Variants in GRID2 observed in about 807,000 individuals in gnomAD.
The protein encoded by GRID2 is glutamate ionotropic receptor delta type subunit 2.
GRID2 carries 33 observed loss-of-function variants against 114.8 expected under a neutral mutation model. The ratio of observed to expected loss-of-function variants is 0.29; its 90% CI spans 0.22 to 0.38. The LOEUF (loss-of-function observed/expected upper bound fraction) is 0.38, where lower values mean the gene tolerates loss of function less well. GRID2 is among the 10% of genes least tolerant of loss of function. The pLI, the probability that GRID2 is intolerant of heterozygous loss-of-function variation, is 1.00. For synonymous variants in GRID2, 505 were observed against 449.9 expected (o/e 1.12, Z -1.55); for missense variants, 1,184 against 1,257.7 (o/e 0.94, Z 0.89).
intron 3 of GRID2, among the ~76,000 whole-genome samples, chr4:93,108,412 G>A (rs992871516): frequency 6.6e-6 from 1 of 152,070 alleles, no homozygotes; most frequent in African/African-American, 2.4e-5. Flanking sequence ...ACTAGTACTG[G>A]TATTTTATTT....
intron 1 of GRID2, among the ~76,000 whole-genome samples, chr4:92,535,896 A>G (rs535737545): frequency 6.6e-6 from 1 of 152,192 alleles, no homozygotes; most frequent in African/African-American, 2.4e-5. Flanking sequence ...TACAGCTCAT[A>G]AAGGCGGCCG....
At chr4:92,777,423 A>G (rs1029113120) in intron 2 of GRID2, among the ~76,000 whole-genome samples, 1 of 152,074 alleles carries the variant, frequency 6.6e-6, no homozygotes, top group Non-Finnish European at 1.5e-5. Flanking sequence ...AATCCACTTA[A>G]AAATTGTATT....
intron 9 of GRID2, among the ~76,000 whole-genome samples, chr4:93,416,743 T>G (rs150259128): frequency 5.3e-5 from 8 of 150,988 alleles, no homozygotes; most frequent in Non-Finnish European, 1.0e-4. Context: ...TATCATGAGA[T>G]TTTTTAAGTG....
At chr4:93,461,591 T>C (rs2149420754) in intron 11 of GRID2, among the ~76,000 whole-genome samples, 1 of 152,114 alleles carries the variant, frequency 6.6e-6, no homozygotes, top group African/African-American at 2.4e-5. Flanking sequence ...TATATGTGAG[T>C]TGTTTACTAA....
At position 92,384,433 on chromosome 4, in the gene GRID2, AATATATATATATATATATATATATATAT is replaced by A. The variant is rs372161362; in HGVS notation, c.88+79708_88+79735del. Among the ~76,000 whole-genome samples the A allele has an allele frequency of 6.9e-3, 208 of 30,270 alleles. 6 individuals carry two copies. The highest frequency in any genetic ancestry group is 0.026 in the African/African-American group (155 of 6,034). 19.9% of individuals were successfully genotyped at this position (30,270 alleles called of 152,430 possible). The stretch of plus-strand genomic sequence containing the variant: ...AGAAGTGTACCTGTGTGTGTGTAGG[AATATATATATATATATATATATATATAT>A]ATATATATATATATATATTATTTAT... On this transcript the variant is annotated intron_variant, in intron 1 of 15. Coordinates refer to ENST00000282020, the MANE Select transcript of GRID2 (RefSeq NM_001510.4).
chr4:92,391,114 G>A (rs150081701), intron 1 of GRID2, among the ~76,000 whole-genome samples: 2 of 152,252 alleles, frequency 1.3e-5, no homozygotes, highest in East Asian at 3.9e-4. Context: ...CCAAAGGAGC[G>A]CTGAATTCTC....
intron 2 of GRID2, among the ~76,000 whole-genome samples, chr4:92,788,182 G>A (rs571889191): frequency 4.9e-4 from 74 of 151,818 alleles, no homozygotes; most frequent in Admixed American, 9.9e-4. Flanking sequence ...CTAGCATTAA[G>A]TCTGGGGAAA....
chr4:93,166,261 A>G (rs532126730), intron 4 of GRID2: 13 of 152,264 alleles, frequency 8.5e-5, no homozygotes, highest in African/African-American at 2.9e-4. Flanking sequence ...TGCTGTTGAC[A>G]CTTTAAAGCT....
chr4:92,597,643 T>G (rs1729017176), intron 2 of GRID2, among the ~76,000 whole-genome samples: 1 of 152,168 alleles, frequency 6.6e-6, no homozygotes, highest in Admixed American at 6.5e-5. Flanking sequence ...TACCAATTCT[T>G]TTCTCCTAAT....
intron 4 of GRID2, among the ~76,000 whole-genome samples, chr4:93,188,628 A>G (rs1162254464): frequency 6.6e-6 from 1 of 152,088 alleles, no homozygotes; most frequent in Non-Finnish European, 1.5e-5. Flanking sequence ...TCTATTTTTC[A>G]TTTGCAACAT....
intron 2 of GRID2, among the ~76,000 whole-genome samples, chr4:92,867,247 A>G (rs1177240382): frequency 6.6e-6 from 1 of 152,174 alleles, no homozygotes; most frequent in Non-Finnish European, 1.5e-5. Context: ...AGTAACAGCT[A>G]TCCTAAGTGG....
At chr4:92,644,600 A>T (rs1488012205) in intron 2 of GRID2, among the ~76,000 whole-genome samples, 1 of 151,732 alleles carries the variant, frequency 6.6e-6, no homozygotes, top group East Asian at 1.9e-4. Context: ...TGAACAAATT[A>T]TATGAGCAAA....
chr4:92,748,632 GTATTAT>G (rs10673614), intron 2 of GRID2, among the ~76,000 whole-genome samples: 8,984 of 137,698 alleles, frequency 0.065, 330 homozygotes, highest in Non-Finnish European at 0.076. Flanking sequence ...TAATTAAATT[GTATTAT>G]TATTATTATT....
intron 2 of GRID2, among the ~76,000 whole-genome samples, chr4:92,862,215 A>G (rs907752148): frequency 6.6e-6 from 1 of 152,004 alleles, no homozygotes; most frequent in African/African-American, 2.4e-5. Flanking sequence ...AGCTATCTGT[A>G]ATTTTCACTC....
At chr4:92,831,578 G>T (rs1179177596) in intron 2 of GRID2, among the ~76,000 whole-genome samples, 1 of 151,734 alleles carries the variant, frequency 6.6e-6, no homozygotes, top group African/African-American at 2.4e-5. Flanking sequence ...ATGATTCCAG[G>T]CATGGTGGCT....
chr4:93,675,104 A>G (rs561485446), intron 14 of GRID2, among the ~76,000 whole-genome samples: 1 of 152,304 alleles, frequency 6.6e-6, no homozygotes, highest in East Asian at 1.9e-4. Context: ...ATTTATAATT[A>G]ATTCATCAGC....
intron 8 of GRID2, among the ~76,000 whole-genome samples, chr4:93,363,219 A>G (rs771891212): frequency 6.6e-6 from 1 of 152,158 alleles, no homozygotes; most frequent in Non-Finnish European, 1.5e-5. Context: ...CCTGTCTCAA[A>G]CAAACAAACA....
At chr4:93,011,729 T>C (rs2149232449) in intron 2 of GRID2, among the ~76,000 whole-genome samples, 1 of 152,168 alleles carries the variant, frequency 6.6e-6, no homozygotes, top group African/African-American at 2.4e-5. Context: ...CGGAACACAA[T>C]AGGAGCTTTG....
chr4:92,371,235 G>GTCT (rs1729102415), intron 1 of GRID2, among the ~76,000 whole-genome samples: 1 of 152,134 alleles, frequency 6.6e-6, no homozygotes, highest in African/African-American at 2.4e-5. Flanking sequence ...TTATCCAGAA[G>GTCT]ACATAGCTAA....
Sources: gnomAD v4.1 joint callset for allele counts (sites outside exome capture counted in the v4.1 genomes callset) on GRCh38, gnomAD v4.1.1 for gene constraint, MANE v1.5 for transcripts, NCBI Gene and HGNC (gene_info 2026-07-23, HGNC 2026-07-21) for gene names.